LNX1: variants seen among roughly 807,000 people sequenced by gnomAD.
The protein encoded by LNX1 is E3 ubiquitin-protein ligase LNX.
In LNX1, 54 loss-of-function variants were observed where a neutral mutation model predicts 68.4. That is an observed-to-expected ratio of 0.79 (90% CI 0.63 to 0.99). LNX1 has a LOEUF of 0.99. Ranked by LOEUF, LNX1 falls within the 50% of genes least tolerant of loss-of-function variation. The probability of loss-of-function intolerance (pLI) is 0.00; values close to 1 mark genes in which losing one functional copy is unlikely to be tolerated. For missense variants in LNX1, 906 were observed against 926.4 expected (o/e 0.98, Z 0.29); for synonymous variants, 336 against 350.0 (o/e 0.96, Z 0.45).
intron 4 of LNX1, among the ~76,000 whole-genome samples, chr4:53,499,723 C>T (rs62323596): frequency 0.12 from 18,182 of 152,226 alleles, 1,177 homozygotes; most frequent in East Asian, 0.16. Context: ...CTCTGCTTTT[C>T]AGGCTTGGGG....
At chr4:53,594,920 C>T (rs1171453197), upstream of LNX1, among the ~76,000 whole-genome samples, 2 of 152,050 alleles carry the variant, frequency 1.3e-5, no homozygotes, top group Non-Finnish European at 2.9e-5. Flanking sequence ...CTATGGTGCC[C>T]AGGCTGTTCT....
chr4:53,615,138 A>G (rs1019702948), intron 2 of LNX1, among the ~76,000 whole-genome samples: 1 of 152,242 alleles, frequency 6.6e-6, no homozygotes, highest in Admixed American at 6.5e-5. Flanking sequence ...CGATTGAAAC[A>G]GTAGAAAACA....
intron 2 of LNX1, among the ~76,000 whole-genome samples, chr4:53,563,534 A>ATTTT (rs1329806618): frequency 1.5e-5 from 2 of 136,504 alleles, no homozygotes; most frequent in African/African-American, 3.1e-5. Context: ...TTAGCTTCAA[A>ATTTT]TTCTTTTTTT....
chr4:53,644,664 G>A (rs1734817014), intron 1 of LNX1, among the ~76,000 whole-genome samples: 1 of 152,176 alleles, frequency 6.6e-6, no homozygotes. Flanking sequence ...GGGATTCCAT[G>A]TCAGGTGACT....
At chr4:53,529,486 G>A (rs1269539019) in intron 2 of LNX1, among the ~76,000 whole-genome samples, 6 of 152,206 alleles carry the variant, frequency 3.9e-5, no homozygotes, top group Non-Finnish European at 8.8e-5. Context: ...AGACTGCGAT[G>A]CCTTGGAAAT....
At chr4:53,625,844 CGTGTGTGTGTGTGTGT>C (rs59366709) in intron 1 of LNX1, among the ~76,000 whole-genome samples, 115 of 144,258 alleles carry the variant, frequency 8.0e-4, no homozygotes, top group Non-Finnish European at 1.3e-3. Context: ...AATTCCACCC[CGTGTGTGTGTGTGTGT>C]GTGTGTGTGT....
intron 1 of LNX1, among the ~76,000 whole-genome samples, chr4:53,641,253 T>C (rs555997564): frequency 3.1e-4 from 47 of 152,350 alleles, no homozygotes; most frequent in African/African-American, 1.1e-3. Flanking sequence ...GATTTCTAGC[T>C]ATGCAAATAT....
At chr4:53,565,387 C>A (rs1473934874) in intron 2 of LNX1, among the ~76,000 whole-genome samples, 1 of 151,948 alleles carries the variant, frequency 6.6e-6, no homozygotes, top group Non-Finnish European at 1.5e-5. Context: ...AGCAGGGGCA[C>A]ACTGACACCT....
chr4:53,574,217 TC>T, intron 1 of LNX1, 129 bp from the exon 2 acceptor site: 1 of 749,186 alleles, frequency 1.3e-6, no homozygotes, highest in Non-Finnish European at 2.1e-6. Context: ...GGGTTGAGGG[TC>T]CACTCTGGAG....
chr4:53,471,777 C>A (rs553601193), intron 9 of LNX1, among the ~76,000 whole-genome samples: 20 of 152,262 alleles, frequency 1.3e-4, no homozygotes, highest in Middle Eastern at 6.8e-3. Context: ...CAAATCAAAA[C>A]CACAATGAGA....
At chr4:53,489,095 T>C (rs1168726765) in intron 6 of LNX1, among the ~76,000 whole-genome samples, 3 of 152,182 alleles carry the variant, frequency 2.0e-5, no homozygotes, top group Non-Finnish European at 4.4e-5. Flanking sequence ...CATTGAAACT[T>C]TGGACCCCCA....
At chr4:53,468,226 C>T (rs1210661896) in intron 9 of LNX1, among the ~76,000 whole-genome samples, 1 of 152,178 alleles carries the variant, frequency 6.6e-6, no homozygotes, top group East Asian at 1.9e-4. Context: ...CCCAGAATTT[C>T]ATATCCAGCC....
At chr4:53,536,061 G>A (rs1170186895) in intron 2 of LNX1, among the ~76,000 whole-genome samples, 1 of 152,120 alleles carries the variant, frequency 6.6e-6, no homozygotes, top group Non-Finnish European at 1.5e-5. Context: ...TTTTTAATAA[G>A]CATTTTACAG....
chr4:53,637,616 C>G (rs907505), intron 1 of LNX1, among the ~76,000 whole-genome samples: 1 of 152,100 alleles, frequency 6.6e-6, no homozygotes, highest in African/African-American at 2.4e-5. Flanking sequence ...TTCATCACTT[C>G]TAAGATGCCA....
intron 2 of LNX1, among the ~76,000 whole-genome samples, chr4:53,612,124 G>A (rs189366700): frequency 7.9e-5 from 12 of 152,198 alleles, no homozygotes; most frequent in African/African-American, 2.2e-4. Context: ...TGAGAAACTC[G>A]GAAATATCCT....
At chr4:53,601,025 C>A (rs1476356649) in intron 2 of LNX1, among the ~76,000 whole-genome samples, 2 of 137,410 alleles carry the variant, frequency 1.5e-5, no homozygotes, top group East Asian at 2.2e-4. Flanking sequence ...TTGCAGTGAG[C>A]CAAGATGGCA....
chr4:53,628,846 G>A (rs1734168743), intron 1 of LNX1, among the ~76,000 whole-genome samples: 2 of 152,146 alleles, frequency 1.3e-5, no homozygotes, highest in Admixed American at 6.5e-5. Flanking sequence ...GAAGCAGGAG[G>A]CCATTTTTCT....
intron 4 of LNX1, chr4:53,500,285 G>C (rs1725378771): frequency 6.6e-6 from 1 of 151,778 alleles, no homozygotes; most frequent in African/African-American, 2.4e-5. Flanking sequence ...AGTTTGAATA[G>C]AAGTGTTCAG....
At chr4:53,593,535 C>A (rs1230747473), upstream of LNX1, among the ~76,000 whole-genome samples, 1 of 152,120 alleles carries the variant, frequency 6.6e-6, no homozygotes, top group Non-Finnish European at 1.5e-5. Flanking sequence ...AAGAGTTAAT[C>A]CAGGAGTGGA....
Sources: allele counts gnomAD v4.1 joint callset (sites outside exome capture counted in the v4.1 genomes callset), GRCh38; gene constraint gnomAD v4.1.1; transcripts MANE v1.5; gene names NCBI Gene and HGNC (gene_info 2026-07-23, HGNC 2026-07-21).